Variants in GOLGB1 observed in about 807,000 individuals in gnomAD.
The protein encoded by GOLGB1 is golgin subfamily B member 1.
A neutral mutation model predicts 336.9 loss-of-function variants in GOLGB1; 174 were observed. The ratio of observed to expected loss-of-function variants is 0.52; its 90% CI spans 0.46 to 0.59. GOLGB1 has a LOEUF of 0.59. Ranked by LOEUF, GOLGB1 falls within the 20% of genes least tolerant of loss-of-function variation. The pLI is 0.00. For synonymous variants in GOLGB1, 1,208 were observed against 1,289.2 expected, an observed-to-expected ratio of 0.94 and a Z score of 1.35; for missense variants, 3,331 against 3,645.3, an observed-to-expected ratio of 0.91 and a Z score of 2.22.
chr3:121,685,118 T>C (rs1238115619), intron 14 of GOLGB1, among the ~76,000 whole-genome samples: 1 of 151,982 alleles, frequency 6.6e-6, no homozygotes, highest in Non-Finnish European at 1.5e-5. Context: ...CTCAGGAAAA[T>C]AAAAGTAACA....
At position 121,691,113 on chromosome 3, in the gene GOLGB1, T is replaced by G; in HGVS notation, c.8251A>C (p.Ser2751Arg). 2 of 1,614,100 alleles carry G rather than the reference T, an allele frequency of 1.2e-6. No individual in the cohort carries two copies. The highest frequency in any genetic ancestry group is 1.7e-6 in the Non-Finnish European group (2 of 1,180,028). Reference protein sequence around the residue: ...FGRSMSSLQNSRDHANEELDE... With the variant: ...FGRSMSSLQNRRDHANEELDE... The stretch of plus-strand genomic sequence containing the variant: ...AGTTCCTCATTGGCATGATCTCTAC[T>G]ATTTTGCAAGGAACTCATAGACCTT... The change falls in exon 14 of 22, where the codon AGT (serine) becomes CGT (arginine). Residue 2751 changes from serine (S) to arginine (R), a missense_variant. Ser to Arg is a moderately radical substitution (Grantham distance 110, BLOSUM62 -1). Coordinates refer to ENST00000614479, the MANE Select transcript of GOLGB1 (RefSeq NM_001366282.2).
chr3:121,689,932 C>T (rs940829099), intron 14 of GOLGB1, among the ~76,000 whole-genome samples: 1 of 152,188 alleles, frequency 6.6e-6, no homozygotes, highest in African/African-American at 2.4e-5. Flanking sequence ...AGAATCCTGA[C>T]AACCTGGCTT....
At position 121,690,985 on chromosome 3, in the gene GOLGB1, G is replaced by A. The variant is rs116823792; in HGVS notation, c.8379C>T (p.Thr2793=). Residue 2793 remains threonine (T), a synonymous_variant, in exon 14 of 22, where the codon ACC becomes ACT. Transcript: ENST00000614479. ...CCTCAGTGGAGTTCATTGAAAAGGC[G>A]GTTTCAGAAAGAAGAGCATCTCTCT... The part of the protein sequence containing the change: ...NRERDALLSE[T]AFSMNSTEEN... 1,825 of 1,613,944 alleles carry A rather than the reference G, an allele frequency of 1.1e-3. 3 individuals are homozygous for A. The highest frequency in any genetic ancestry group is 1.3e-3 in the Non-Finnish European group (1,537 of 1,179,930).
intron 1 of GOLGB1, among the ~76,000 whole-genome samples, chr3:121,740,606 C>T (rs1946785904): frequency 6.6e-6 from 1 of 152,160 alleles, no homozygotes; most frequent in South Asian, 2.1e-4. Flanking sequence ...GACTTCTGCA[C>T]TATCTTTGCA....
At chr3:121,715,934 G>C (rs1259718732) in intron 9 of GOLGB1, among the ~76,000 whole-genome samples, 1 of 151,472 alleles carries the variant, frequency 6.6e-6, no homozygotes, top group Non-Finnish European at 1.5e-5. Context: ...AGAGGTTGCA[G>C]TGAGCCGAGA....
At chr3:121,704,151 AGGGACATGT>A (rs1221520923) in intron 10 of GOLGB1, among the ~76,000 whole-genome samples, 5 of 152,120 alleles carry the variant, frequency 3.3e-5, no homozygotes, top group African/African-American at 1.2e-4. Context: ...ATACAACCTC[AGGGACATGT>A]GGGACAATAT....
At position 121,697,707 on chromosome 3, in the gene GOLGB1, T is replaced by C; in HGVS notation, c.2816A>G (p.Gln939Arg). ...CTCAGCTCTGGATAATAAATTTAGC[T>C]GTTCTTTAAGAGTCTTAATTTCAAC... ...LGVEIKTLKEQLNLLSRAEEA... is the reference protein window; with the variant it reads ...LGVEIKTLKERLNLLSRAEEA... The change falls in exon 13 of 22, where the codon CAG becomes CGG. Residue 939 changes from glutamine to arginine, a missense_variant. Gln to Arg is a conservative substitution (Grantham distance 43, BLOSUM62 1). Transcript: ENST00000614479. The C allele has an allele frequency of 2.5e-6, 4 of 1,613,842 alleles. No homozygotes were observed. Among genetic ancestry groups the C allele is most frequent in the Non-Finnish European group, 3.4e-6 (4 of 1,179,974 alleles).
At chr3:121,674,236 CTTTTT>C (rs914211008) in intron 17 of GOLGB1, among the ~76,000 whole-genome samples, 1 of 149,420 alleles carries the variant, frequency 6.7e-6, no homozygotes, top group African/African-American at 2.5e-5. Context: ...TCTGGATGTG[CTTTTT>C]TTTTTGTTTT....
rs1943140063 is a variant in GOLGB1, at chr3:121,698,508, T to A, written c.2015A>T (p.Asp672Val). The change falls in exon 13 of 22, where the codon GAT (aspartate) becomes GTT (valine). Residue 672 changes from aspartate to valine, a missense_variant. Coordinates refer to ENST00000614479, the MANE Select transcript of GOLGB1 (RefSeq NM_001366282.2). ...AGVELKSTKQ[D>V]GDKSLSAVPD... ...TACAGCAGAAAGGGATTTATCACCA[T>A]CCTGCTTTGTTGATTTCAATTCTAC... The A allele has an allele frequency of 1.9e-6, 3 of 1,613,594 alleles. No individual in the cohort carries two copies. Among genetic ancestry groups the A allele is most frequent in the Non-Finnish European group, 2.5e-6 (3 of 1,179,602 alleles).
chr3:121,729,599 T>G (rs1342338174), intron 3 of GOLGB1, among the ~76,000 whole-genome samples: 1 of 152,010 alleles, frequency 6.6e-6, no homozygotes, highest in Non-Finnish European at 1.5e-5. Context: ...TTTTTTTTTG[T>G]GGAGACAGGG....
chr3:121,722,448 G>T, intron 5 of GOLGB1, 70 bp from the exon 6 acceptor site: 1 of 816,584 alleles, frequency 1.2e-6, no homozygotes, highest in South Asian at 1.5e-5. Context: ...TTAATTCTTT[G>T]ACCTCCCTTT....
intron 11 of GOLGB1, among the ~76,000 whole-genome samples, chr3:121,701,486 T>A (rs538182298): frequency 6.6e-6 from 1 of 152,286 alleles, no homozygotes; most frequent in Admixed American, 6.5e-5. Flanking sequence ...TAGAGTTTAA[T>A]AAAAGTTTTA....
In GOLGB1 at chr3:121,696,538, T is replaced by G; in HGVS notation, c.3985A>C (p.Lys1329Gln). The change falls in exon 13 of 22, where the codon AAA becomes CAA. Residue 1329 changes from lysine to glutamine, a missense_variant. Coordinates refer to ENST00000614479, the MANE Select transcript of GOLGB1 (RefSeq NM_001366282.2). ...IEAEKVELEL[K>Q]VSSTTSELTK... Reference sequence around the variant, plus strand: ...AGCTCACTTGTTGTAGAACTAACTTTCAATTCTAACTCTACTTTCTCAGCC... The same window carrying G: ...AGCTCACTTGTTGTAGAACTAACTTGCAATTCTAACTCTACTTTCTCAGCC... 6.2e-7 allele frequency: 1 copy of G among 1,614,196 alleles called. No homozygotes were observed. Among genetic ancestry groups the G allele is most frequent in the Non-Finnish European group, 8.5e-7 (1 of 1,180,020 alleles).
At chr3:121,708,665 T>C (rs752085862) in intron 10 of GOLGB1, among the ~76,000 whole-genome samples, 3 of 152,162 alleles carry the variant, frequency 2.0e-5, no homozygotes, top group Non-Finnish European at 4.4e-5. Context: ...CAAAACCCTC[T>C]TTAAACTGTA....
At chr3:121,718,524 A>T (rs763359036) in intron 7 of GOLGB1, 23 bp from the exon 8 acceptor site, 1 of 1,408,156 alleles carries the variant, frequency 7.1e-7, no homozygotes, top group Non-Finnish European at 1.0e-6. Context: ...CATTTTAGAC[A>T]TAATATGCTA....
intron 1 of GOLGB1, chr3:121,749,092 A>C: frequency 6.1e-6 from 1 of 163,454 alleles, no homozygotes; most frequent in Non-Finnish European, 1.3e-5. Flanking sequence ...CATTAGCATT[A>C]GCAGGATTAT....
At position 121,729,183 on chromosome 3, in the gene GOLGB1, C is replaced by T; in HGVS notation, c.402+5G>A. The T allele has an allele frequency of 6.3e-7, 1 of 1,599,580 alleles. No homozygotes were observed. Among genetic ancestry groups the T allele is most frequent in the Non-Finnish European group, 8.5e-7 (1 of 1,173,762 alleles). Reference sequence around the variant, plus strand: ...GGAAATATACACTACACCCAGTCACCATACCTTGGAAAGTTGCTCCTCTGA... The same window carrying T: ...GGAAATATACACTACACCCAGTCACTATACCTTGGAAAGTTGCTCCTCTGA... On this transcript the variant is annotated splice_donor_5th_base_variant and intron_variant, in intron 4 of 21. Transcript: ENST00000614479.
rs2107834140 is a variant in GOLGB1, at chr3:121,695,699, C to T, written c.4824G>A (p.Glu1608=). ...GTAGCTCCTTGTGTTTCTCTTGCCA[C>T]TCAGTACTTTCTGCAATCTTAGAAG... ...LKSSKIAEST[E]WQEKHKELQK... is the part of the protein sequence containing the mutation. The change falls in exon 13 of 22, where the codon GAG becomes GAA. Residue 1608 remains glutamate (E), a synonymous_variant. Coordinates refer to ENST00000614479, the MANE Select transcript of GOLGB1 (RefSeq NM_001366282.2). The T allele has an allele frequency of 8.1e-6, 13 of 1,611,804 alleles. No individual in the cohort carries two copies. Among genetic ancestry groups the T allele is most frequent in the Non-Finnish European group, 1.0e-5 (12 of 1,179,956 alleles).
At chr3:121,731,411 T>C (rs1330831530) in intron 1 of GOLGB1, among the ~76,000 whole-genome samples, 2 of 151,844 alleles carry the variant, frequency 1.3e-5, no homozygotes, top group Admixed American at 6.6e-5. Context: ...TCACGCAGGC[T>C]GGAGTACAGG....
Sources: allele counts gnomAD v4.1 joint callset (sites outside exome capture counted in the v4.1 genomes callset), GRCh38; gene constraint gnomAD v4.1.1; transcripts MANE v1.5; gene names NCBI Gene and HGNC (gene_info 2026-07-23, HGNC 2026-07-21).